The following STIL variants were observed in gnomAD, a reference collection of about 807,000 sequenced individuals.
STIL encodes SCL-interrupting locus protein.
A neutral mutation model predicts 110.1 loss-of-function variants in STIL; 55 were observed. The observed-to-expected ratio is 0.50, with a 90% CI of 0.40 to 0.63. STIL has a LOEUF of 0.63. Ranked by LOEUF, STIL falls within the 20% of genes least tolerant of loss-of-function variation. STIL has a pLI of 0.00. For missense variants in STIL, 1,358 were observed against 1,530.0 expected, an observed-to-expected ratio of 0.89 and a Z score of 1.87; for synonymous variants, 481 against 530.0, an observed-to-expected ratio of 0.91 and a Z score of 1.27.
At position 47,301,564 on chromosome 1, in the gene STIL, T is replaced by A; in HGVS notation, c.450A>T (p.Leu150Phe). The A allele has an allele frequency of 6.2e-7, 1 of 1,613,194 alleles. No homozygotes were observed. The highest frequency in any genetic ancestry group is 8.5e-7 in the Non-Finnish European group (1 of 1,179,830). ...VHSVDDFSSA[L>F]KALQCHICSK... is the part of the protein sequence containing the mutation. ...TCAAGTTGTCAATGAATCGCACCTT[T>A]AAAGCTGAACTGAAGTCATCTACAC... The change falls in exon 5 of 17, where the codon TTA (leucine) becomes TTT (phenylalanine). Residue 150 changes from leucine (L) to phenylalanine (F), a missense_variant. Leu to Phe is a conservative substitution (Grantham distance 22, BLOSUM62 0). Coordinates refer to ENST00000371877, the MANE Select transcript of STIL (RefSeq NM_001048166.1).
chr1:47,254,959 G>A (rs1644289316), intron 16 of STIL, among the ~76,000 whole-genome samples: 1 of 152,126 alleles, frequency 6.6e-6, no homozygotes, highest in Non-Finnish European at 1.5e-5. Context: ...AATTTGGAGG[G>A]TGGGCTAGGG....
intron 14 of STIL, among the ~76,000 whole-genome samples, chr1:47,265,247 A>AAAAAC (rs1644607693): frequency 6.6e-6 from 1 of 150,458 alleles, no homozygotes; most frequent in Non-Finnish European, 1.5e-5. Context: ...CAAAAAAAAA[A>AAAAAC]AAAAAAAAAA....
chr1:47,306,504 T>C (rs1387975085), intron 2 of STIL, among the ~76,000 whole-genome samples: 1 of 152,214 alleles, frequency 6.6e-6, no homozygotes, highest in East Asian at 1.9e-4. Flanking sequence ...TCTTCCCACC[T>C]TGGCCTCCCA....
intron 16 of STIL, among the ~76,000 whole-genome samples, chr1:47,255,940 G>C (rs1318167883): frequency 6.6e-6 from 1 of 152,164 alleles, no homozygotes; most frequent in Non-Finnish European, 1.5e-5. Context: ...CTGGAGTCCA[G>C]AACTGGAACA....
chr1:47,271,277 C>T lies in STIL; in HGVS notation c.2383+799G>A, dbSNP rs910426144. Among the ~76,000 whole-genome samples, 3 of 152,046 alleles carry T rather than the reference C, an allele frequency of 2.0e-5. No individual in the cohort carries two copies. The South Asian group carries it at 6.2e-4, about 32-fold the overall frequency. On this transcript the variant is annotated intron_variant, in intron 13 of 16. Coordinates refer to ENST00000371877, the MANE Select transcript of STIL (RefSeq NM_001048166.1). Reference sequence around the variant, plus strand: ...TAATGGTTTAAACAGATGGTTAAAACCAAAAAGTAGCCTGGGCACAGTGGC... The same window carrying T: ...TAATGGTTTAAACAGATGGTTAAAATCAAAAAGTAGCCTGGGCACAGTGGC...
At position 47,263,173 on chromosome 1, in the gene STIL, T is replaced by G. The variant is rs538621997; in HGVS notation, c.2616-57A>C. On this transcript the variant is annotated intron_variant, in intron 14 of 16. Coordinates refer to ENST00000371877, the MANE Select transcript of STIL (RefSeq NM_001048166.1). ...AGGTACCTTTAACATATAATTGAAA[T>G]GTAGTAACTTTAGAAAAAAGGGTTA... 62 of 1,500,042 alleles carry G rather than the reference T, an allele frequency of 4.1e-5. No homozygotes were observed. In the African/African-American group the frequency reaches 8.3e-4, roughly 20 times the overall value. The allele number at this position is 1,500,042 out of a possible 1,614,324, so 92.9% of individuals were successfully genotyped here. A position where few individuals can be genotyped will look rare whatever the true frequency, so the allele number is the denominator to read the frequency against.
chr1:47,310,991 G>A (rs751769725), intron 1 of STIL, among the ~76,000 whole-genome samples: 2 of 151,872 alleles, frequency 1.3e-5, no homozygotes, highest in African/African-American at 2.4e-5. Context: ...GAGACTGCAG[G>A]TGCGCACCAC....
rs1168449058 is a variant in STIL, at chr1:47,280,845, A to G, written c.1613T>C (p.Leu538Pro). The part of the protein sequence containing the change: ...NGPSHDIFEK[L>P]QTVSAGNVQN... The stretch of plus-strand genomic sequence containing the variant: ...TACATTTCCAGCAGAAACTGTTTGG[A>G]GCTTTTCAAATATATCATGAGATGG... The change falls in exon 12 of 17, where the codon CTC becomes CCC. Residue 538 changes from leucine to proline, a missense_variant. By Grantham distance (98) the Leu-to-Pro change is moderately conservative (BLOSUM62 -3). Coordinates refer to ENST00000371877, the MANE Select transcript of STIL (RefSeq NM_001048166.1). 2 of 1,614,068 alleles carry G rather than the reference A, an allele frequency of 1.2e-6. No homozygotes were observed. Among genetic ancestry groups the G allele is most frequent in the African/African-American group, 2.7e-5 (2 of 74,912 alleles).
In STIL at chr1:47,278,999, T is replaced by A. The variant is rs181133703; in HGVS notation, c.2217+1242A>T. On this transcript the variant is annotated intron_variant, in intron 12 of 16. Coordinates refer to ENST00000371877, the MANE Select transcript of STIL (RefSeq NM_001048166.1). ...CCAATTTTATAAAACAAAGATTTTTTAAAAAATCATATGTATGGCCGGGCG... is the reference window on the plus strand; with the variant it reads ...CCAATTTTATAAAACAAAGATTTTTAAAAAAATCATATGTATGGCCGGGCG... Among the ~76,000 whole-genome samples the A allele has an allele frequency of 1.8e-3, 274 of 152,176 alleles. 1 individual carries two copies. The highest frequency in any genetic ancestry group is 3.4e-3 in the Middle Eastern group (1 of 294).
At chr1:47,303,856 T>C (rs376036394) in intron 3 of STIL, among the ~76,000 whole-genome samples, 5 of 152,324 alleles carry the variant, frequency 3.3e-5, no homozygotes, top group East Asian at 1.9e-4. Flanking sequence ...CTACAAATTA[T>C]TTATTCAAAA....
chr1:47,274,220 AC>A (rs1403570565), intron 12 of STIL, among the ~76,000 whole-genome samples: 1 of 152,258 alleles, frequency 6.6e-6, no homozygotes, highest in Non-Finnish European at 1.5e-5. Context: ...AAAAGACATT[AC>A]ACACACTCAG....
intron 12 of STIL, among the ~76,000 whole-genome samples, chr1:47,278,885 A>G (rs1645066215): frequency 6.6e-6 from 1 of 151,404 alleles, no homozygotes; most frequent in South Asian, 2.1e-4. Flanking sequence ...GCAGAGCTAA[A>G]TTTTTCTCAG....
intron 14 of STIL, among the ~76,000 whole-genome samples, chr1:47,263,981 G>A (rs1557712067): frequency 1.3e-5 from 2 of 152,096 alleles, no homozygotes; most frequent in South Asian, 4.1e-4. Flanking sequence ...TCGAACTCCT[G>A]ACCTCAGGTG....
intron 14 of STIL, among the ~76,000 whole-genome samples, chr1:47,268,750 C>T (rs1231735531): frequency 7.0e-6 from 1 of 143,024 alleles, no homozygotes; most frequent in Non-Finnish European, 1.5e-5. Flanking sequence ...AAGAGAGAAA[C>T]TCCATCTCAT....
chr1:47,253,581 C>G (rs752424672), intron 16 of STIL, among the ~76,000 whole-genome samples: 4 of 152,196 alleles, frequency 2.6e-5, no homozygotes, highest in Non-Finnish European at 5.9e-5. Flanking sequence ...TAGTACATAG[C>G]AAGCTGAGAT....
At chr1:47,286,098 C>T (rs1251006078) in intron 10 of STIL, among the ~76,000 whole-genome samples, 1 of 151,542 alleles carries the variant, frequency 6.6e-6, no homozygotes, top group East Asian at 2.0e-4. Flanking sequence ...TGGTCTCAAA[C>T]TCCTGACCTC....
chr1:47,265,204 C>T (rs550420488), intron 14 of STIL, among the ~76,000 whole-genome samples: 1 of 124,942 alleles, frequency 8.0e-6, no homozygotes, highest in East Asian at 2.4e-4. Flanking sequence ...CCACTGCACT[C>T]CAGCCTGAGC....
At chr1:47,252,925 C>T (rs1644228158) in intron 16 of STIL, among the ~76,000 whole-genome samples, 2 of 151,926 alleles carry the variant, frequency 1.3e-5, no homozygotes, top group South Asian at 4.2e-4. Flanking sequence ...TAAATAGCTG[C>T]TAATTTTTTT....
At position 47,287,795 on chromosome 1, in the gene STIL, A is replaced by G. The variant is rs552392883; in HGVS notation, c.1024-135T>C. 86 of 713,408 alleles carry G rather than the reference A, an allele frequency of 1.2e-4. No homozygotes were observed. The Middle Eastern group carries it at 1.4e-3, about 12-fold the overall frequency. The allele number at this position is 713,408 out of a possible 1,614,324, so 44.2% of individuals were successfully genotyped here. ...CTGATTTCTGTAACCCTCTTTTGTA[A>G]ACTGTCCAGTTCCCTGCTACATAAG... On this transcript the variant is annotated intron_variant, in intron 9 of 16. Coordinates refer to ENST00000371877, the MANE Select transcript of STIL (RefSeq NM_001048166.1).
Sources: allele counts gnomAD v4.1 joint callset (sites outside exome capture counted in the v4.1 genomes callset), GRCh38; gene constraint gnomAD v4.1.1; transcripts MANE v1.5; gene names NCBI Gene and HGNC (gene_info 2026-07-23, HGNC 2026-07-21).